The following MCF2L variants were observed in gnomAD, a reference collection of about 807,000 sequenced individuals.
MCF2L encodes MCF.2 cell line derived transforming sequence like, also known as guanine nucleotide exchange factor DBS.
Under a neutral mutation model 153.4 loss-of-function variants are expected in MCF2L, and 97 were observed. That is an observed-to-expected ratio of 0.63 (90% CI 0.54 to 0.75). The LOEUF (loss-of-function observed/expected upper bound fraction) is 0.75, where lower values mean the gene tolerates loss of function less well. MCF2L is among the 30% of genes least tolerant of loss of function. MCF2L has a pLI of 0.00. For synonymous variants in MCF2L, 659 were observed against 632.2 expected (o/e 1.04, Z -0.64); for missense variants, 1,347 against 1,495.2 (o/e 0.90, Z 1.64).
chr13:113,092,021 T>A (rs1293983423), intron 26 of MCF2L, among the ~76,000 whole-genome samples: 1 of 152,202 alleles, frequency 6.6e-6, no homozygotes, highest in Non-Finnish European at 1.5e-5. Flanking sequence ...TTACTGACTG[T>A]CCTGCCTGCA....
rs374971905 is a variant in MCF2L, at chr13:112,904,632, C to T, written c.169+2261C>T. Among the ~76,000 whole-genome samples the T allele has an allele frequency of 2.7e-3, 410 of 152,380 alleles. 3 individuals carry two copies. Among genetic ancestry groups the T allele is most frequent in the African/African-American group, 9.6e-3 (398 of 41,604 alleles). ...AGCCCTTTAGGCAGCTTCCCTCCAA[C>T]CCTGGACTCCAGGGGATTGGAAGAT... On this transcript the variant is annotated intron_variant, in intron 2 of 29. Transcript: ENST00000375608. The surrounding 1 kb of genome is among the most constrained non-coding windows in gnomAD (Gnocchi z 4.2).
chr13:113,082,021 G>A (rs1385316189), intron 16 of MCF2L, among the ~76,000 whole-genome samples: 1 of 151,140 alleles, frequency 6.6e-6, no homozygotes, highest in Non-Finnish European at 1.5e-5. Context: ...CCACCTGAGT[G>A]TAGACAGCGA....
Position 113,096,755 on chromosome 13 carries a change from C to T in MCF2L, c.3293-19C>T, listed in dbSNP as rs963171087. 6.4e-7 allele frequency: 1 copy of T among 1,563,378 alleles called. No homozygotes were observed. The highest frequency in any genetic ancestry group is 8.6e-7 in the Non-Finnish European group (1 of 1,162,806). ...GCAGAGCCGACGCCGAAGCCCGTCC[C>T]CGCCTGATCTCCCCGCAGAGTCGAG... On this transcript the variant is annotated intron_variant, in intron 29 of 29. Coordinates refer to ENST00000535094, the MANE Select transcript of MCF2L (RefSeq NM_001112732.3).
intron 2 of MCF2L, among the ~76,000 whole-genome samples, chr13:112,936,721 A>G (rs1188531145): frequency 6.6e-6 from 1 of 152,224 alleles, no homozygotes. Flanking sequence ...TTCCTAGGAC[A>G]TGTCTTTTCA....
chr13:113,090,199 G>A (rs1464159544), intron 26 of MCF2L: 2 of 1,495,966 alleles, frequency 1.3e-6, no homozygotes, highest in African/African-American at 2.8e-5. Flanking sequence ...CCTCACCGTG[G>A]TGGCGTCTGT....
chr13:113,049,720 C>G (rs928059115), intron 4 of MCF2L, among the ~76,000 whole-genome samples: 1 of 151,948 alleles, frequency 6.6e-6, no homozygotes, highest in Non-Finnish European at 1.5e-5. Context: ...AAAGCAAGCC[C>G]GTGGCAGAGA....
intron 15 of MCF2L, among the ~76,000 whole-genome samples, chr13:113,080,489 G>C (rs1159176214): frequency 6.6e-6 from 1 of 152,228 alleles, no homozygotes; most frequent in Non-Finnish European, 1.5e-5. Context: ...CTTAGAACAA[G>C]CTTGCTGAAC....
chr13:113,073,029 C>CTTTTTTTT (rs56397038), intron 9 of MCF2L, among the ~76,000 whole-genome samples: 1 of 137,870 alleles, frequency 7.3e-6, no homozygotes. Context: ...TTTACTCCAG[C>CTTTTTTTT]TTTTTTTTTT....
intron 2 of MCF2L, chr13:112,909,105 C>A: frequency 1.4e-6 from 1 of 715,010 alleles, no homozygotes; most frequent in South Asian, 1.6e-5. Context: ...TTGAACTGTT[C>A]CCACTGCAAA....
chr13:113,087,581 A>G (rs2034756208), intron 22 of MCF2L, 125 bp downstream of exon 22: 3 of 1,090,846 alleles, frequency 2.8e-6, no homozygotes, highest in Non-Finnish European at 2.7e-6. Context: ...GGGGTGGGGT[A>G]TTCTGCCATT....
intron 2 of MCF2L, chr13:112,917,559 T>C (rs571221973): frequency 8.9e-5 from 19 of 213,724 alleles, no homozygotes; most frequent in Non-Finnish European, 1.3e-4. Context: ...AAATCCTCAG[T>C]TCAGCAGGGT....
intron 2 of MCF2L, among the ~76,000 whole-genome samples, chr13:112,955,324 C>T (rs1429531755): frequency 6.6e-6 from 1 of 152,176 alleles, no homozygotes; most frequent in Non-Finnish European, 1.5e-5. Context: ...TCCCAGCAGC[C>T]CCTCAGGAAG....
chr13:113,066,022 C>T (rs1287726350), intron 7 of MCF2L, 24 bp from the exon 8 acceptor site: 3 of 1,610,004 alleles, frequency 1.9e-6, no homozygotes, highest in Non-Finnish European at 2.5e-6. Flanking sequence ...GGGGCCGGGA[C>T]ATGAGGCTGC....
At chr13:112,997,316 G>A (rs1486909304) in intron 1 of MCF2L, among the ~76,000 whole-genome samples, 4 of 152,196 alleles carry the variant, frequency 2.6e-5, no homozygotes, top group East Asian at 1.9e-4. Flanking sequence ...TGCTGCTGAC[G>A]CCCCTGTGCA....
intron 1 of MCF2L, among the ~76,000 whole-genome samples, chr13:112,972,587 T>A (rs560771152): frequency 7.1e-6 from 1 of 140,672 alleles, no homozygotes; most frequent in South Asian, 2.5e-4. Context: ...GGTAGATGGA[T>A]GGATGAGTGG....
intron 17 of MCF2L, 83 bp downstream of exon 17, chr13:113,082,625 T>C: frequency 9.5e-7 from 1 of 1,055,974 alleles, no homozygotes; most frequent in Non-Finnish European, 1.4e-6. Flanking sequence ...GGAATGGGGG[T>C]GGAGGCCAGG....
At chr13:113,092,690 A>G (rs967196326) in intron 26 of MCF2L, among the ~76,000 whole-genome samples, 19 of 152,232 alleles carry the variant, frequency 1.2e-4, no homozygotes, top group African/African-American at 4.3e-4. Flanking sequence ...AGAATCCCCC[A>G]GCTCCTGGTG....
Position 113,054,181 on chromosome 13 carries a change from C to A in MCF2L, c.370-6412C>A. 1 of 167,402 alleles carries A rather than the reference C, an allele frequency of 6.0e-6. No homozygotes were observed. The allele number at this position is 167,402 out of a possible 1,614,324, so 10.4% of individuals were successfully genotyped here. A position where few individuals can be genotyped will look rare whatever the true frequency, so the allele number is the denominator to read the frequency against. ...TGTCATTCGAGTCCAATCTCAGGATCCTGGATGCACGCCTGTTCTCCAGGT... is the reference window on the plus strand; with the variant it reads ...TGTCATTCGAGTCCAATCTCAGGATACTGGATGCACGCCTGTTCTCCAGGT... On this transcript the variant is annotated intron_variant, in intron 4 of 29. Transcript: ENST00000535094. The surrounding 1 kb of genome is among the most constrained non-coding windows in gnomAD (Gnocchi z 5.2).
At chr13:112,895,952 A>G (rs1223190478) in intron 1 of MCF2L, among the ~76,000 whole-genome samples, 1 of 152,098 alleles carries the variant, frequency 6.6e-6, no homozygotes, top group Non-Finnish European at 1.5e-5. Flanking sequence ...AACCCCCCAC[A>G]CGTCTGTGAA....
Sources: gnomAD v4.1 joint callset for allele counts (sites outside exome capture counted in the v4.1 genomes callset) on GRCh38, gnomAD v4.1.1 for gene constraint, Gnocchi (gnomAD v3.1) non-coding constraint, MANE v1.5 for transcripts, NCBI Gene and HGNC (gene_info 2026-07-23, HGNC 2026-07-21) for gene names.